PDE1C: variants seen among roughly 807,000 people sequenced by gnomAD.
PDE1C encodes phosphodiesterase 1C.
Under a neutral mutation model 93.1 loss-of-function variants are expected in PDE1C, and 62 were observed. That is an observed-to-expected ratio of 0.67 (90% CI 0.54 to 0.82). The LOEUF (loss-of-function observed/expected upper bound fraction) is 0.82, where lower values mean the gene tolerates loss of function less well. Among genes scored for constraint, PDE1C ranks in the 40% least tolerant of loss-of-function variants. The pLI is 0.00. For synonymous variants in PDE1C, 325 were observed against 310.1 expected, an observed-to-expected ratio of 1.05 and a Z score of -0.50; for missense variants, 742 against 884.6, an observed-to-expected ratio of 0.84 and a Z score of 2.04.
intron 3 of PDE1C, among the ~76,000 whole-genome samples, chr7:32,119,197 G>A (rs571350999): frequency 3.9e-5 from 6 of 152,040 alleles, no homozygotes; most frequent in Non-Finnish European, 8.8e-5. Context: ...AAACTCAAGG[G>A]GATTCTGAGA....
At chr7:31,991,021 C>A (rs1277139568) in intron 2 of PDE1C, among the ~76,000 whole-genome samples, 1 of 152,122 alleles carries the variant, frequency 6.6e-6, no homozygotes, top group Non-Finnish European at 1.5e-5. Context: ...CTAATAAAGA[C>A]AGGAACACTA....
At chr7:31,922,158 G>A (rs563550825) in intron 2 of PDE1C, among the ~76,000 whole-genome samples, 16 of 152,214 alleles carry the variant, frequency 1.1e-4, no homozygotes, top group South Asian at 2.1e-4. Flanking sequence ...GATAATATCC[G>A]ACTCTTCTTT....
intron 2 of PDE1C, among the ~76,000 whole-genome samples, chr7:32,030,463 T>G (rs955120781): frequency 6.6e-6 from 1 of 152,118 alleles, no homozygotes; most frequent in Non-Finnish European, 1.5e-5. Flanking sequence ...TTGAATTGGT[T>G]ATTTTTTAAA....
chr7:31,681,360 G>T, the PDE1C span, among the ~76,000 whole-genome samples: 1 of 129,384 alleles, frequency 7.7e-6, no homozygotes, highest in African/African-American at 3.1e-5. Flanking sequence ...TGGATGGATG[G>T]ATGGATGGAC....
chr7:32,035,201 C>T (rs573347689), intron 2 of PDE1C, among the ~76,000 whole-genome samples: 49 of 152,162 alleles, frequency 3.2e-4, no homozygotes, highest in African/African-American at 1.0e-3. Context: ...GCATTCCAAC[C>T]CTAAGACAAA....
chr7:32,308,260 C>G (rs1354045829), intron 1 of PDE1C, among the ~76,000 whole-genome samples: 1 of 151,906 alleles, frequency 6.6e-6, no homozygotes, highest in Non-Finnish European at 1.5e-5. Flanking sequence ...GAGCCCACCA[C>G]AGCTCAAGGA....
chr7:32,077,115 C>A (rs1796402178), intron 3 of PDE1C, among the ~76,000 whole-genome samples: 2 of 152,272 alleles, frequency 1.3e-5, no homozygotes, highest in South Asian at 4.1e-4. Flanking sequence ...TGGCACATTC[C>A]TGTAGTCCCA....
At chr7:32,237,263 AT>A (rs552652950) in intron 1 of PDE1C, among the ~76,000 whole-genome samples, 2 of 147,704 alleles carry the variant, frequency 1.4e-5, no homozygotes, top group South Asian at 4.3e-4. Context: ...ATTTTTTTGT[AT>A]TTTTAATAGA....
At chr7:32,079,062 G>A (rs1274593518) in intron 3 of PDE1C, among the ~76,000 whole-genome samples, 3 of 152,172 alleles carry the variant, frequency 2.0e-5, no homozygotes, top group South Asian at 2.1e-4. Context: ...CAGGATTTTC[G>A]AAGGTTGTTT....
At chr7:32,329,893 T>A (rs1400188134) in intron 1 of PDE1C, among the ~76,000 whole-genome samples, 1 of 152,226 alleles carries the variant, frequency 6.6e-6, no homozygotes, top group Non-Finnish European at 1.5e-5. Context: ...ACTAACAGCT[T>A]CAGGCTTGGA....
At chr7:32,037,598 G>A (rs1182778933) in intron 2 of PDE1C, among the ~76,000 whole-genome samples, 1 of 152,042 alleles carries the variant, frequency 6.6e-6, no homozygotes, top group Non-Finnish European at 1.5e-5. Flanking sequence ...AGACTTTTCT[G>A]AACCCCCAAA....
Position 31,753,219 on chromosome 7 carries a change from G to A in PDE1C, c.*165C>T. 1.2e-6 allele frequency: 1 copy of A among 841,462 alleles called. No individual in the cohort carries two copies. The highest frequency in any genetic ancestry group is 1.8e-6 in the Non-Finnish European group (1 of 563,798). 52.1% of individuals were successfully genotyped at this position (841,462 alleles called of 1,614,324 possible). ...GAAAAGTCTATACAAGAACAACAAAGAGGAAAATCACATACAACTTTCATT... is the reference window on the plus strand; with the variant it reads ...GAAAAGTCTATACAAGAACAACAAAAAGGAAAATCACATACAACTTTCATT... On this transcript the variant is annotated 3_prime_UTR_variant, in exon 18 of 18. Coordinates refer to ENST00000396191, the MANE Select transcript of PDE1C (RefSeq NM_001191057.4).
chr7:31,646,293 AAG>A, the PDE1C span, among the ~76,000 whole-genome samples: 16 of 152,084 alleles, frequency 1.1e-4, no homozygotes, highest in Admixed American at 1.0e-3. Context: ...ATTAATGTAA[AAG>A]GTTTGAGAGT....
chr7:32,212,025 CAAAAAAA>C lies in PDE1C; in HGVS notation c.86-2493_86-2487del, dbSNP rs35827566. 8.6e-5 allele frequency among the ~76,000 whole-genome samples: 7 copies of C among 81,280 alleles called. No individual in the cohort carries two copies. The Admixed American group carries it at 1.0e-3, about 12-fold the overall frequency. The allele number at this position is 81,280 out of a possible 152,430, so 53.3% of individuals were successfully genotyped here. A position where few individuals can be genotyped will look rare whatever the true frequency, so the allele number is the denominator to read the frequency against. ...TGGGCAACAGAACGAGAACCTATCT[CAAAAAAA>C]AAAAAAAAAAAAAGAAAGAAAGAAA... is the stretch of plus-strand genomic sequence containing the variant. On this transcript the variant is annotated intron_variant, in intron 1 of 18. Coordinates refer to the PDE1C transcript ENST00000396193.
chr7:31,792,589 G>A (rs976976225), intron 16 of PDE1C, among the ~76,000 whole-genome samples: 1 of 152,038 alleles, frequency 6.6e-6, no homozygotes, highest in Non-Finnish European at 1.5e-5. Flanking sequence ...GGCTTTCTAT[G>A]GAGCTAATCT....
intron 2 of PDE1C, among the ~76,000 whole-genome samples, chr7:31,900,449 T>C (rs1288149434): frequency 6.6e-6 from 1 of 151,454 alleles, no homozygotes; most frequent in Non-Finnish European, 1.5e-5. Context: ...CAATCCTTTA[T>C]TGAAAGTTGT....
At chr7:31,648,544 T>G in the PDE1C span, among the ~76,000 whole-genome samples, 6 of 152,134 alleles carry the variant, frequency 3.9e-5, no homozygotes, top group East Asian at 1.2e-3. Context: ...GAGCAAACAC[T>G]CCATCAGTTA....
chr7:31,872,489 T>C (rs7806282), intron 6 of PDE1C, among the ~76,000 whole-genome samples: 18,758 of 152,088 alleles, frequency 0.12, 1,697 homozygotes, highest in East Asian at 0.25. Flanking sequence ...AAATATCACA[T>C]GTACCCTATA....
chr7:31,850,099 G>A (rs576098292), intron 8 of PDE1C, among the ~76,000 whole-genome samples: 2 of 152,144 alleles, frequency 1.3e-5, no homozygotes, highest in African/African-American at 2.4e-5. Flanking sequence ...GGTTGCTCAC[G>A]GTGAAAGTAG....
Sources: allele counts gnomAD v4.1 joint callset (sites outside exome capture counted in the v4.1 genomes callset), GRCh38; gene constraint gnomAD v4.1.1; transcripts MANE v1.5; gene names NCBI Gene and HGNC (gene_info 2026-07-23, HGNC 2026-07-21).